Variants in MYCBP2 observed in about 807,000 individuals in gnomAD.
MYCBP2 encodes the protein E3 ubiquitin-protein ligase MYCBP2.
A neutral mutation model predicts 525.3 loss-of-function variants in MYCBP2; 120 were observed. The observed-to-expected ratio is 0.23, with a 90% CI of 0.20 to 0.27. The LOEUF (loss-of-function observed/expected upper bound fraction) is 0.27. Among genes scored for constraint, MYCBP2 ranks in the 10% least tolerant of loss-of-function variants. MYCBP2 has a pLI of 1.00. For missense variants in MYCBP2, 4,149 were observed against 5,657.1 expected, an observed-to-expected ratio of 0.73 and a Z score of 8.55; for synonymous variants, 1,894 against 1,955.8, an observed-to-expected ratio of 0.97 and a Z score of 0.83.
intron 1 of MYCBP2, among the ~76,000 whole-genome samples, chr13:77,321,699 T>A (rs896261361): frequency 8.5e-5 from 13 of 152,250 alleles, no homozygotes; most frequent in African/African-American, 2.9e-4. Flanking sequence ...TAAGCCAGCC[T>A]AGAATGCCAT....
At chr13:77,265,509 A>G (rs1426356669) in intron 8 of MYCBP2, among the ~76,000 whole-genome samples, 1 of 152,180 alleles carries the variant, frequency 6.6e-6, no homozygotes, top group Non-Finnish European at 1.5e-5. Flanking sequence ...AGATAAAAAA[A>G]GTATGTTTTA....
chr13:77,285,063 G>A (rs908287067), intron 3 of MYCBP2, among the ~76,000 whole-genome samples: 20 of 152,094 alleles, frequency 1.3e-4, no homozygotes, highest in Admixed American at 1.3e-3. Context: ...ATACCCCTTT[G>A]ACTCTGTTAA....
In MYCBP2 at chr13:77,064,738, T is replaced by G; in HGVS notation, c.12553-4A>C. ...ACCAAGCTTCTGACAGATGACCCTA[T>G]TGAGCAGAACAGAGTATTTTAATAA... On this transcript the variant is annotated splice_polypyrimidine_tract_variant and splice_region_variant and intron_variant, in intron 72 of 82. Coordinates refer to ENST00000544440, the MANE Select transcript of MYCBP2 (RefSeq NM_015057.5). 6.2e-7 allele frequency: 1 copy of G among 1,613,560 alleles called. No homozygotes were observed. Among genetic ancestry groups the G allele is most frequent in the Non-Finnish European group, 8.5e-7 (1 of 1,179,678 alleles).
intron 1 of MYCBP2, among the ~76,000 whole-genome samples, chr13:77,314,316 T>C (rs924277641): frequency 6.6e-6 from 1 of 152,200 alleles, no homozygotes; most frequent in Non-Finnish European, 1.5e-5. Flanking sequence ...CACACAGATG[T>C]TTAGAGCAGC....
intron 35 of MYCBP2, 43 bp downstream of exon 35, chr13:77,177,705 A>C (rs779524018): frequency 1.4e-6 from 2 of 1,469,714 alleles, no homozygotes; most frequent in African/African-American, 2.8e-5. Context: ...ATCCTGATAC[A>C]CAACCCACTA....
At chr13:77,130,010 C>T (rs1005788484) in intron 52 of MYCBP2, among the ~76,000 whole-genome samples, 8 of 151,642 alleles carry the variant, frequency 5.3e-5, no homozygotes, top group Non-Finnish European at 8.9e-5. Context: ...TTCACAGAAA[C>T]GTTATCCTAG....
chr13:77,296,108 A>G (rs1270297561), intron 2 of MYCBP2, among the ~76,000 whole-genome samples: 1 of 152,236 alleles, frequency 6.6e-6, no homozygotes, highest in Non-Finnish European at 1.5e-5. Flanking sequence ...ATTAACTTCC[A>G]GGCTACTGGT....
rs1208855191 is a variant in MYCBP2, at chr13:77,067,807, T to A, written c.12229A>T (p.Ile4077Phe). The change falls in exon 71 of 83, where the codon ATC becomes TTC. Residue 4077 changes from isoleucine (I) to phenylalanine (F), a missense_variant. By Grantham distance (21) the Ile-to-Phe change is conservative. Transcript: ENST00000544440. ...PEVTPSRLAS[I>F]IGVKSLPPAD... is the part of the protein sequence containing the mutation. ...GGGGGGAGGGATTTCACTCCTATGA[T>A]GCTGGCCAGACGACTAGGGGTTACT... 1 of 1,614,168 alleles carries A rather than the reference T, an allele frequency of 6.2e-7. No individual in the cohort carries two copies. The highest frequency in any genetic ancestry group is 8.5e-7 in the Non-Finnish European group (1 of 1,179,992).
chr13:77,125,347 C>T lies in MYCBP2; in HGVS notation c.8006G>A (p.Arg2669Gln), dbSNP rs190466970. 4.8e-5 allele frequency: 78 copies of T among 1,613,412 alleles called. No individual in the cohort carries two copies. In the Admixed American group the frequency reaches 6.2e-4, roughly 13 times the overall value. The change falls in exon 54 of 83, where the codon CGA (arginine) becomes CAA (glutamine). Residue 2669 changes from arginine to glutamine, a missense_variant. Physicochemically the swap from Arg to Gln is conservative, Grantham distance 43. Coordinates refer to ENST00000544440, the MANE Select transcript of MYCBP2 (RefSeq NM_015057.5). ...ARDRGGNQYL[R>Q]HEDEQALLDQ... Reference sequence around the variant, plus strand: ...TTAAGCCAACTTGCCATCTTCATGTCGGAGGTACTGGTTTCCGCCTCTGTC... The same window carrying T: ...TTAAGCCAACTTGCCATCTTCATGTTGGAGGTACTGGTTTCCGCCTCTGTC...
rs746249378 is a variant in MYCBP2, at chr13:77,176,552, T to A, written c.5417A>T (p.Asp1806Val). The A allele has an allele frequency of 1.9e-6, 3 of 1,601,748 alleles. No homozygotes were observed. In the African/African-American group the frequency reaches 4.0e-5, roughly 21 times the overall value. ...CTCAGCTATATCACTGGGTGAGTCA[T>A]CCGTTGTGTACGTTCCTTTCACTAA... Reference protein sequence around the residue: ...LELVKGTYTTDDSPSDIAEIR... With the variant: ...LELVKGTYTTVDSPSDIAEIR... Residue 1806 changes from aspartate to valine, a missense_variant, in exon 36 of 83, where the codon GAT becomes GTT. Physicochemically the swap from Asp to Val is radical, Grantham distance 152. Coordinates refer to ENST00000544440, the MANE Select transcript of MYCBP2 (RefSeq NM_015057.5).
At chr13:77,174,694 CT>C (rs1426345018) in intron 36 of MYCBP2, among the ~76,000 whole-genome samples, 4 of 150,766 alleles carry the variant, frequency 2.7e-5, no homozygotes. Flanking sequence ...GTCCTAACTA[CT>C]TTATGGAATT....
intron 18 of MYCBP2, among the ~76,000 whole-genome samples, chr13:77,230,447 T>C (rs761562767): frequency 8.5e-5 from 13 of 152,148 alleles, no homozygotes; most frequent in Non-Finnish European, 1.5e-4. Context: ...TATGTACAGG[T>C]TGAGCATCCC....
chr13:77,139,155 G>A, intron 52 of MYCBP2, 41 bp downstream of exon 52: 1 of 1,590,548 alleles, frequency 6.3e-7, no homozygotes, highest in South Asian at 1.1e-5. Flanking sequence ...AAAACAAACA[G>A]CGTGTATCTA....
At chr13:77,078,345 C>A (rs1360458990) in intron 66 of MYCBP2, among the ~76,000 whole-genome samples, 1 of 152,188 alleles carries the variant, frequency 6.6e-6, no homozygotes, top group African/African-American at 2.4e-5. Context: ...AGCTTGAGCA[C>A]AGTCTCAGAC....
intron 8 of MYCBP2, among the ~76,000 whole-genome samples, chr13:77,266,161 AG>A (rs1468814950): frequency 2.6e-5 from 4 of 152,214 alleles, no homozygotes; most frequent in African/African-American, 9.6e-5. Context: ...TTAAATGTGC[AG>A]GGTTTCTCAG....
intron 32 of MYCBP2, among the ~76,000 whole-genome samples, chr13:77,184,817 C>A (rs1280048393): frequency 3.3e-5 from 5 of 152,144 alleles, no homozygotes; most frequent in Admixed American, 2.6e-4. Flanking sequence ...CCCTGCTCTC[C>A]CCTGGTCACT....
chr13:77,256,913 CAAAGAGA>C (rs1213139439), intron 14 of MYCBP2, among the ~76,000 whole-genome samples: 2 of 152,092 alleles, frequency 1.3e-5, no homozygotes, highest in Non-Finnish European at 2.9e-5. Flanking sequence ...ATTAGTACAT[CAAAGAGA>C]TATCTGCACT....
intron 41 of MYCBP2, 94 bp downstream of exon 41, chr13:77,166,235 A>G (rs1294138352): frequency 7.4e-6 from 7 of 942,354 alleles, no homozygotes; most frequent in Non-Finnish European, 1.1e-5. Flanking sequence ...AATTTCTCTA[A>G]AAATTAGATA....
chr13:77,270,584 T>C (rs767157487), intron 5 of MYCBP2, 46 bp from the exon 6 acceptor site: 3 of 1,523,398 alleles, frequency 2.0e-6, no homozygotes, highest in East Asian at 2.3e-5. Context: ...TTTTAAATGT[T>C]ACAAACACAG....
Sources: allele counts gnomAD v4.1 joint callset (sites outside exome capture counted in the v4.1 genomes callset), GRCh38; gene constraint gnomAD v4.1.1; transcripts MANE v1.5; gene names NCBI Gene and HGNC (gene_info 2026-07-23, HGNC 2026-07-21).